PLXNA4: variants seen among roughly 807,000 people sequenced by gnomAD.
PLXNA4 encodes the protein plexin A4.
PLXNA4 carries 44 observed loss-of-function variants against 191.8 expected under a neutral mutation model. That is an observed-to-expected ratio of 0.23 (90% CI 0.18 to 0.29). The LOEUF (loss-of-function observed/expected upper bound fraction) is 0.29. PLXNA4 is among the 10% of genes least tolerant of loss of function. The probability of loss-of-function intolerance (pLI) is 1.00; values close to 1 mark genes in which losing one functional copy is unlikely to be tolerated. For missense variants in PLXNA4, 1,800 were observed against 2,488.8 expected (o/e 0.72, Z 5.89); for synonymous variants, 1,082 against 1,009.5 (o/e 1.07, Z -1.36).
chr7:132,537,847 T>A (rs764367950), intron 1 of PLXNA4, among the ~76,000 whole-genome samples: 1 of 152,180 alleles, frequency 6.6e-6, no homozygotes, highest in Non-Finnish European at 1.5e-5. Flanking sequence ...GACCTTCTGT[T>A]GTCAATTTCA....
At chr7:132,270,835 A>G (rs929517698) in intron 4 of PLXNA4, among the ~76,000 whole-genome samples, 6 of 152,244 alleles carry the variant, frequency 3.9e-5, no homozygotes, top group Admixed American at 2.0e-4. Context: ...TCAACCATCT[A>G]TGACCAATAT....
chr7:132,575,029 A>G (rs1458250977), intron 1 of PLXNA4, among the ~76,000 whole-genome samples: 1 of 152,212 alleles, frequency 6.6e-6, no homozygotes, highest in Non-Finnish European at 1.5e-5. Flanking sequence ...GGAAAATGAT[A>G]TGATCATGTT....
At chr7:132,282,324 G>A (rs1800508569) in intron 4 of PLXNA4, among the ~76,000 whole-genome samples, 1 of 152,102 alleles carries the variant, frequency 6.6e-6, no homozygotes. Context: ...TGCAATCCCA[G>A]CACTTTGGGA....
intron 3 of PLXNA4, among the ~76,000 whole-genome samples, chr7:132,459,671 C>T (rs1796430629): frequency 6.6e-6 from 1 of 152,146 alleles, no homozygotes; most frequent in Admixed American, 6.5e-5. Context: ...AACACCAGCC[C>T]AAGCAGGCAC....
intron 2 of PLXNA4, among the ~76,000 whole-genome samples, chr7:132,632,152 CT>C (rs1417097578): frequency 4.7e-5 from 7 of 147,796 alleles, no homozygotes; most frequent in Non-Finnish European, 1.0e-4. Flanking sequence ...AGGAGAATTA[CT>C]TGAACCCGGG....
intron 3 of PLXNA4, among the ~76,000 whole-genome samples, chr7:132,440,352 T>G (rs938382903): frequency 6.6e-6 from 1 of 152,212 alleles, no homozygotes; most frequent in East Asian, 1.9e-4. Context: ...CAGCAACTTT[T>G]GAAAGTATAC....
chr7:132,585,679 G>A (rs191070744), intron 2 of PLXNA4, among the ~76,000 whole-genome samples: 1 of 152,152 alleles, frequency 6.6e-6, no homozygotes, highest in East Asian at 1.9e-4. Flanking sequence ...TGAGATGAGG[G>A]TGCCAGCATG....
chr7:132,425,628 G>GCAGA (rs1269646521), intron 3 of PLXNA4, among the ~76,000 whole-genome samples: 5 of 152,108 alleles, frequency 3.3e-5, no homozygotes, highest in Admixed American at 6.5e-5. Flanking sequence ...AGGCAGGCAG[G>GCAGA]CAGACAGGGC....
chr7:132,418,507 C>T (rs149442390), intron 3 of PLXNA4, among the ~76,000 whole-genome samples: 43 of 152,338 alleles, frequency 2.8e-4, no homozygotes, highest in Non-Finnish European at 5.3e-4. Flanking sequence ...CATCCTAATG[C>T]TCTGTGTGGA....
At chr7:132,647,105 A>G (rs927457448) in intron 1 of PLXNA4, among the ~76,000 whole-genome samples, 9 of 152,250 alleles carry the variant, frequency 5.9e-5, no homozygotes, top group Admixed American at 3.3e-4. Flanking sequence ...GCTATCATAT[A>G]CACGCATATA....
chr7:132,315,990 T>C (rs1397637484), intron 3 of PLXNA4, among the ~76,000 whole-genome samples: 1 of 152,172 alleles, frequency 6.6e-6, no homozygotes, highest in African/African-American at 2.4e-5. Context: ...CTTTAACCTG[T>C]ACACAGAGGG....
intron 3 of PLXNA4, among the ~76,000 whole-genome samples, chr7:132,450,695 T>C (rs1796087800): frequency 6.6e-6 from 1 of 152,174 alleles, no homozygotes; most frequent in Non-Finnish European, 1.5e-5. Flanking sequence ...CAGCCTGCTA[T>C]AGGAACAATG....
intron 2 of PLXNA4, among the ~76,000 whole-genome samples, chr7:132,600,100 A>G (rs1419983224): frequency 6.6e-6 from 1 of 152,164 alleles, no homozygotes; most frequent in South Asian, 2.1e-4. Flanking sequence ...GGATTTTTGT[A>G]CTTATCATAA....
chr7:132,384,608 C>T, intron 3 of PLXNA4: 1 of 990,588 alleles, frequency 1.0e-6, no homozygotes, highest in Non-Finnish European at 1.2e-6. Flanking sequence ...TCATCAGGCA[C>T]TGTTGGCTTC....
At chr7:132,330,826 A>C (rs1802562789) in intron 3 of PLXNA4, among the ~76,000 whole-genome samples, 1 of 152,222 alleles carries the variant, frequency 6.6e-6, no homozygotes, top group Non-Finnish European at 1.5e-5. Flanking sequence ...ATCCCTACTT[A>C]TCACAAAAGC....
At chr7:132,181,649 A>G (rs1292737300) in intron 17 of PLXNA4, 29 bp from the exon 18 acceptor site, 1 of 1,610,940 alleles carries the variant, frequency 6.2e-7, no homozygotes, top group East Asian at 2.2e-5. Flanking sequence ...AGTGGAGTCT[A>G]TGCAGTATCT....
intron 3 of PLXNA4, among the ~76,000 whole-genome samples, chr7:132,441,448 C>T (rs1795695937): frequency 6.6e-6 from 1 of 152,206 alleles, no homozygotes; most frequent in Admixed American, 6.5e-5. Context: ...TCCATAAATG[C>T]TCACTGCATT....
At chr7:132,497,224 T>C (rs1351767863) in intron 2 of PLXNA4, among the ~76,000 whole-genome samples, 2 of 152,034 alleles carry the variant, frequency 1.3e-5, no homozygotes, top group Non-Finnish European at 2.9e-5. Context: ...GGGATTTCTT[T>C]TTAAAGGGAG....
At chr7:132,511,799 A>T (rs1798725292) in intron 1 of PLXNA4, among the ~76,000 whole-genome samples, 1 of 152,268 alleles carries the variant, frequency 6.6e-6, no homozygotes, top group African/African-American at 2.4e-5. Flanking sequence ...GTGCAAATTC[A>T]AATATCAAAG....
Sources: allele counts gnomAD v4.1 joint callset (sites outside exome capture counted in the v4.1 genomes callset), GRCh38; gene constraint gnomAD v4.1.1; transcripts MANE v1.5; gene names NCBI Gene and HGNC (gene_info 2026-07-23, HGNC 2026-07-21).